EXOSC2: variants seen among roughly 807,000 people sequenced by gnomAD.
EXOSC2 encodes exosome component 2.
Under a neutral mutation model 37.6 loss-of-function variants are expected in EXOSC2, and 29 were observed. The observed-to-expected ratio is 0.77, with a 90% CI of 0.57 to 1.05. The LOEUF (loss-of-function observed/expected upper bound fraction) is 1.05, where lower values mean the gene tolerates loss of function less well. Ranked by LOEUF, EXOSC2 falls within the 50% of genes least tolerant of loss-of-function variation. EXOSC2 has a pLI of 0.00. For synonymous variants in EXOSC2, 119 were observed against 131.1 expected (o/e 0.91, Z 0.63); for missense variants, 346 against 365.6 (o/e 0.95, Z 0.44).
rs757581162 is a variant in EXOSC2 at position 130,703,202 on chromosome 9, C to G, written c.801+21C>G. The G allele has an allele frequency of 3.1e-6, 5 of 1,597,306 alleles. No homozygotes were observed. In the South Asian group the frequency reaches 4.5e-5, roughly 14 times the overall value. The stretch of plus-strand genomic sequence containing the variant: ...ATCAGGTACTCTCCCCAGGGCCTCT[C>G]CCTTCTTCACTGATCTGTGAGCTGC... On this transcript the variant is annotated intron_variant, in intron 8 of 8. Transcript: ENST00000372358.
chr9:130,696,200 T>C (rs7852487), intron 2 of EXOSC2, among the ~76,000 whole-genome samples: 6,885 of 152,238 alleles, frequency 0.045, 259 homozygotes, highest in African/African-American at 0.11. Flanking sequence ...ATGGTGCCTG[T>C]AAAGTATTTA....
Position 130,701,048 on chromosome 9 carries a change from T to G in EXOSC2, c.495+113T>G, listed in dbSNP as rs551776156. 4 of 949,256 alleles carry G rather than the reference T, an allele frequency of 4.2e-6. No individual in the cohort carries two copies. The South Asian group carries it at 4.5e-5, about 11-fold the overall frequency. 58.8% of individuals were successfully genotyped at this position (949,256 alleles called of 1,614,324 possible). On this transcript the variant is annotated intron_variant, in intron 6 of 8. Transcript: ENST00000372358. ...AAGAACCCCAGTAGCTAAGCATTAA[T>G]AGAGGCTGGCATCCCACAAACTGAT...
intron 7 of EXOSC2, 78 bp downstream of exon 7, chr9:130,702,388 G>C: frequency 7.4e-7 from 1 of 1,347,358 alleles, no homozygotes; most frequent in Non-Finnish European, 1.0e-6. Flanking sequence ...CAGTGAAGTT[G>C]GTTGTTTTTA....
intron 7 of EXOSC2, 133 bp downstream of exon 7, chr9:130,702,443 G>A: frequency 4.3e-6 from 3 of 693,172 alleles, no homozygotes; most frequent in East Asian, 2.7e-5. Flanking sequence ...TTTCCATCAC[G>A]GTATGTTCAT....
At chr9:130,695,438 A>G in intron 1 of EXOSC2, 54 bp from the exon 2 acceptor site, 1 of 1,456,222 alleles carries the variant, frequency 6.9e-7, no homozygotes, top group East Asian at 2.3e-5. Flanking sequence ...GAAGGGAGAG[A>G]AGTCATTTCG....
rs769339881 is a variant in EXOSC2, at chr9:130,693,926, T to C, written c.122+13T>C. Reference sequence around the variant, plus strand: ...CAGGATTCATGCGGTACGTGGGGACTTGGGGGAGTCGAGGCTTCAGAGAGC... The same window carrying C: ...CAGGATTCATGCGGTACGTGGGGACCTGGGGGAGTCGAGGCTTCAGAGAGC... On this transcript the variant is annotated intron_variant, in intron 1 of 8. Coordinates refer to ENST00000372358, the MANE Select transcript of EXOSC2 (RefSeq NM_014285.7). The C allele has an allele frequency of 5.0e-6, 8 of 1,586,714 alleles. No homozygotes were observed. The highest frequency in any genetic ancestry group is 2.7e-5 in the African/African-American group (2 of 74,214).
At position 130,702,197 on chromosome 9, in the gene EXOSC2, C is replaced by A; in HGVS notation, c.559C>A (p.His187Asn). The stretch of plus-strand genomic sequence containing the variant: ...GGTGAAACGGCAGAAGACCCACTTT[C>A]ATGATTTGCCATGTGGTGCCTCAGT... ...SLVKRQKTHF[H>N]DLPCGASVIL... The change falls in exon 7 of 9, where the codon CAT (histidine) becomes AAT (asparagine). Residue 187 changes from histidine to asparagine, a missense_variant. Transcript: ENST00000372358. The A allele has an allele frequency of 1.2e-6, 2 of 1,614,166 alleles. No individual in the cohort carries two copies. Among genetic ancestry groups the A allele is most frequent in the Non-Finnish European group, 1.7e-6 (2 of 1,180,036 alleles).
chr9:130,697,595 G>C lies in EXOSC2; in HGVS notation c.238G>C (p.Val80Leu). Residue 80 changes from valine (V) to leucine (L), a missense_variant, in exon 3 of 9, where the codon GTA (valine) becomes CTA (leucine). Val to Leu is a conservative substitution (Grantham distance 32). Transcript: ENST00000372358. Reference sequence around the variant, plus strand: ...TTTGTCTTTCAGATACATTGGTGAAGTAGGAGACATCGTAGTGGGACGAAT... The same window carrying C: ...TTTGTCTTTCAGATACATTGGTGAACTAGGAGACATCGTAGTGGGACGAAT... Reference protein sequence around the residue: ...KALKTRYIGEVGDIVVGRITE... With the variant: ...KALKTRYIGELGDIVVGRITE... 6.2e-7 allele frequency: 1 copy of C among 1,614,152 alleles called. No individual in the cohort carries two copies. Among genetic ancestry groups the C allele is most frequent in the Non-Finnish European group, 8.5e-7 (1 of 1,179,986 alleles).
chr9:130,701,069 C>T, intron 6 of EXOSC2, 134 bp downstream of exon 6: 1 of 769,546 alleles, frequency 1.3e-6, no homozygotes, highest in South Asian at 1.7e-5. Context: ...ATCCCACAAA[C>T]TGATCGTGTT....
chr9:130,697,511 C>T (rs779065288), intron 2 of EXOSC2, 71 bp from the exon 3 acceptor site: 15 of 1,480,170 alleles, frequency 1.0e-5, no homozygotes, highest in Middle Eastern at 1.7e-4. Context: ...GAACCGACAT[C>T]TCAAATGGTG....
intron 2 of EXOSC2, among the ~76,000 whole-genome samples, chr9:130,695,875 T>TG (rs1325934633): frequency 6.6e-6 from 1 of 150,532 alleles, no homozygotes; most frequent in African/African-American, 2.5e-5. Context: ...TTTTTTTTTT[T>TG]TCCGAGATGG....
Position 130,694,353 on chromosome 9 carries a change from ACC to A in EXOSC2, c.122+442_122+443del, listed in dbSNP as rs1831045442. On this transcript the variant is annotated intron_variant, in intron 1 of 8. Transcript: ENST00000372358. The surrounding 1 kb of genome is among the most constrained non-coding windows in gnomAD (Gnocchi z 4.0). ...CAAACAGTTACATTGTGCTGCATGC[ACC>A]CATTTATACACATTTTGAATCTAAG... Among the ~76,000 whole-genome samples, 1 of 152,042 alleles carries A rather than the reference ACC, an allele frequency of 6.6e-6. No individual in the cohort carries two copies. The highest frequency in any genetic ancestry group is 1.5e-5 in the Non-Finnish European group (1 of 68,018).
intron 1 of EXOSC2, among the ~76,000 whole-genome samples, chr9:130,695,245 T>C (rs1409907348): frequency 1.3e-5 from 2 of 152,158 alleles, no homozygotes; most frequent in Admixed American, 1.3e-4. Context: ...GGGTGGGCTG[T>C]GTTTTCAATG....
intron 6 of EXOSC2, chr9:130,701,733 C>A: frequency 1.2e-6 from 1 of 841,266 alleles, no homozygotes; most frequent in Non-Finnish European, 1.4e-6. Flanking sequence ...CAGAGGCACA[C>A]ATCTCACAGG....
intron 5 of EXOSC2, 27 bp downstream of exon 5, chr9:130,699,421 C>G: frequency 6.2e-7 from 1 of 1,609,714 alleles, no homozygotes; most frequent in Non-Finnish European, 8.5e-7. Context: ...ACTCCAGCCT[C>G]TTGATGCTTT....
intron 1 of EXOSC2, among the ~76,000 whole-genome samples, chr9:130,695,144 A>T (rs1394923315): frequency 6.6e-6 from 1 of 152,236 alleles, no homozygotes; most frequent in Non-Finnish European, 1.5e-5. Flanking sequence ...TAATAAGCGC[A>T]ATGAATAAGT....
chr9:130,698,502 GGA>G lies in EXOSC2; in HGVS notation c.360+256_360+257del, dbSNP rs1293888561. On this transcript the variant is annotated intron_variant, in intron 4 of 8. Coordinates refer to ENST00000372358, the MANE Select transcript of EXOSC2 (RefSeq NM_014285.7). This position sits in a 1 kb window ranked among gnomAD's most constrained non-coding sequence, Gnocchi z 4.1. ...GGGTGGGATCCCAACAGAGAGTTGG[GGA>G]GAGAAGCCCTTAGATGCTGGTTGTT... Among the ~76,000 whole-genome samples the G allele has an allele frequency of 6.6e-6, 1 of 152,218 alleles. No individual in the cohort carries two copies. The highest frequency in any genetic ancestry group is 1.5e-5 in the Non-Finnish European group (1 of 68,038).
At chr9:130,700,973 G>C (rs199758689) in intron 6 of EXOSC2, 38 bp downstream of exon 6, 1 of 1,602,352 alleles carries the variant, frequency 6.2e-7, no homozygotes, top group East Asian at 2.2e-5. Flanking sequence ...TGCTGACTGA[G>C]ACTACAAGGC....
In EXOSC2 at chr9:130,702,283, A is replaced by G. The variant is rs774803904; in HGVS notation, c.645A>G (p.Glu215=). 1.2e-6 allele frequency: 2 copies of G among 1,614,118 alleles called. No homozygotes were observed. The highest frequency in any genetic ancestry group is 1.1e-5 in the South Asian group (1 of 91,074). ...IYPTPEHKEE[E]AGGFIANLEP... ...CAACACCTGAGCACAAAGAAGAGGAAGCAGGGGGCTTCATTGCAAACCTGG... is the reference window on the plus strand; with the variant it reads ...CAACACCTGAGCACAAAGAAGAGGAGGCAGGGGGCTTCATTGCAAACCTGG... Residue 215 remains glutamate, a synonymous_variant, in exon 7 of 9, where the codon GAA becomes GAG. Coordinates refer to ENST00000372358, the MANE Select transcript of EXOSC2 (RefSeq NM_014285.7).
Sources: allele counts gnomAD v4.1 joint callset (sites outside exome capture counted in the v4.1 genomes callset), GRCh38; gene constraint gnomAD v4.1.1; non-coding constraint Gnocchi (gnomAD v3.1); transcripts MANE v1.5; gene names NCBI Gene and HGNC (gene_info 2026-07-23, HGNC 2026-07-21).